SPRED1: variants seen among roughly 807,000 people sequenced by gnomAD.
SPRED1 encodes sprouty-related, EVH1 domain-containing protein 1.
SPRED1 carries 18 observed loss-of-function variants against 52.3 expected under a neutral mutation model. The observed-to-expected ratio is 0.34, with a 90% confidence interval of 0.24 to 0.51. The LOEUF (loss-of-function observed/expected upper bound fraction) is 0.51, where lower values mean the gene tolerates loss of function less well. Among genes scored for constraint, SPRED1 ranks in the 20% least tolerant of loss-of-function variants. SPRED1 has a pLI of 0.97. For missense variants in SPRED1, 485 were observed against 551.0 expected (o/e 0.88, Z 1.20); for synonymous variants, 155 against 179.7 (o/e 0.86, Z 1.10).
chr15:38,253,686 C>T (rs1211409882), intron 1 of SPRED1, among the ~76,000 whole-genome samples: 1 of 151,566 alleles, frequency 6.6e-6, no homozygotes, highest in Non-Finnish European at 1.5e-5. Context: ...TCTTAAATAC[C>T]GATTAAGCCT....
intron 2 of SPRED1, among the ~76,000 whole-genome samples, chr15:38,318,382 A>G (rs536458948): frequency 6.6e-6 from 1 of 152,312 alleles, no homozygotes; most frequent in East Asian, 1.9e-4. Context: ...TATGTGAGTC[A>G]AAGAGCTAGT....
chr15:38,352,044 TA>T lies in SPRED1; in HGVS notation c.*381del, dbSNP rs1349053245. Reference sequence around the variant, plus strand: ...ACACGAACTAAAAATAAAAGTGCACTAGGGGACAGTTGATTTCAATCTAAGA... The same window carrying T: ...ACACGAACTAAAAATAAAAGTGCACTGGGGACAGTTGATTTCAATCTAAGA... On this transcript the variant is annotated 3_prime_UTR_variant, in exon 7 of 7. Coordinates refer to ENST00000299084, the MANE Select transcript of SPRED1 (RefSeq NM_152594.3). The T allele has an allele frequency of 4.6e-6, 1 of 215,798 alleles. No individual in the cohort carries two copies. Among genetic ancestry groups the T allele is most frequent in the Non-Finnish European group, 9.3e-6 (1 of 107,318 alleles). The allele number at this position is 215,798 out of a possible 1,614,324, so 13.4% of individuals were successfully genotyped here.
At chr15:38,260,045 G>A (rs8034515) in intron 1 of SPRED1, among the ~76,000 whole-genome samples, 125,430 of 152,204 alleles carry the variant, frequency 0.82, 52,479 homozygotes, top group Non-Finnish European at 0.9. Context: ...ATTAAAGGAA[G>A]TGTTAACAAG....
At chr15:38,258,570 C>T (rs62003492) in intron 1 of SPRED1, among the ~76,000 whole-genome samples, 1 of 152,064 alleles carries the variant, frequency 6.6e-6, no homozygotes, top group Non-Finnish European at 1.5e-5. Context: ...TTTATTCTTT[C>T]TGTTAAATTG....
At chr15:38,277,908 CTT>C (rs34918769) in intron 1 of SPRED1, among the ~76,000 whole-genome samples, 24 of 150,038 alleles carry the variant, frequency 1.6e-4, no homozygotes, top group Admixed American at 2.6e-4. Context: ...TCATGTATGT[CTT>C]TTTTTTTTTA....
intron 6 of SPRED1, 26 bp downstream of exon 6, chr15:38,349,549 A>G: frequency 6.9e-7 from 1 of 1,458,440 alleles, no homozygotes; most frequent in Non-Finnish European, 9.5e-7. Flanking sequence ...TTATCTTGTG[A>G]TATGGAATTT....
At chr15:38,263,819 A>C (rs1010557762) in intron 1 of SPRED1, among the ~76,000 whole-genome samples, 2 of 152,186 alleles carry the variant, frequency 1.3e-5, no homozygotes, top group Non-Finnish European at 2.9e-5. Context: ...GCTAAAAAAA[A>C]CGAATCACAA....
chr15:38,347,485 T>TTTCC lies in SPRED1; in HGVS notation c.583-1937_583-1936insTTCC, dbSNP rs869310453. On this transcript the variant is annotated intron_variant, in intron 5 of 6. Transcript: ENST00000299084. ...TCTTTTTTTTTTTTTTTTTTTTTTT[T>TTTCC]CAATTTGGCTGTTTGCCCTTTTAAA... Among the ~76,000 whole-genome samples the TTTCC allele has an allele frequency of 1.6e-3, 153 of 94,054 alleles. 1 individual carries two copies. Among genetic ancestry groups the TTTCC allele is most frequent in the African/African-American group, 5.6e-3 (148 of 26,484 alleles). The allele number at this position is 94,054 out of a possible 152,430, so 61.7% of individuals were successfully genotyped here.
intron 4 of SPRED1, among the ~76,000 whole-genome samples, chr15:38,334,039 ACTGT>A (rs1895859367): frequency 6.6e-6 from 1 of 152,066 alleles, no homozygotes; most frequent in Admixed American, 6.6e-5. Context: ...AGTAGTTGAG[ACTGT>A]CTGATACACA....
intron 5 of SPRED1, among the ~76,000 whole-genome samples, chr15:38,340,914 T>C (rs1389809865): frequency 6.6e-6 from 1 of 151,998 alleles, no homozygotes; most frequent in African/African-American, 2.4e-5. Flanking sequence ...CTTTTTTGCA[T>C]ATGTGGAAGA....
chr15:38,294,753 C>T (rs1894998561), intron 1 of SPRED1, among the ~76,000 whole-genome samples: 1 of 152,082 alleles, frequency 6.6e-6, no homozygotes, highest in Non-Finnish European at 1.5e-5. Context: ...GAGCAAGAGC[C>T]AGAGCTGTAC....
At chr15:38,304,638 T>C (rs535432315) in intron 2 of SPRED1, among the ~76,000 whole-genome samples, 35 of 152,346 alleles carry the variant, frequency 2.3e-4, no homozygotes, top group African/African-American at 7.9e-4. Flanking sequence ...TTTCTACATC[T>C]GAGCCTCATC....
intron 4 of SPRED1, among the ~76,000 whole-genome samples, chr15:38,336,380 A>ATGTGTGTGTGTG (rs35912838): frequency 0.027 from 3,612 of 134,238 alleles, 69 homozygotes; most frequent in Admixed American, 0.043. Flanking sequence ...GATAAAGAAA[A>ATGTGTGTGTGTG]TGTGTGTGTG....
At chr15:38,332,344 T>C (rs1522776) in intron 4 of SPRED1, among the ~76,000 whole-genome samples, 145,878 of 152,216 alleles carry the variant, frequency 0.96, 70,184 homozygotes, top group East Asian at 1. Context: ...GAGGATGAGA[T>C]GGAAAGACTG....
intron 1 of SPRED1, among the ~76,000 whole-genome samples, chr15:38,292,169 T>C (rs1328171602): frequency 6.6e-6 from 1 of 152,150 alleles, no homozygotes; most frequent in East Asian, 1.9e-4. Flanking sequence ...CCAGTTTCTT[T>C]GCTAAAACAT....
chr15:38,284,028 C>G (rs1894751229), intron 1 of SPRED1, among the ~76,000 whole-genome samples: 1 of 152,160 alleles, frequency 6.6e-6, no homozygotes, highest in African/African-American at 2.4e-5. Flanking sequence ...ATCTCTACTT[C>G]TGCTACTAAG....
Position 38,253,111 on chromosome 15 carries a change from G to A in SPRED1, c.-75G>A, listed in dbSNP as rs1420834887. The A allele has an allele frequency of 2.9e-6, 4 of 1,394,406 alleles. No individual in the cohort carries two copies. In the African/African-American group the frequency reaches 4.3e-5, roughly 15 times the overall value. The allele number at this position is 1,394,406 out of a possible 1,614,324, so 86.4% of individuals were successfully genotyped here. A position where few individuals can be genotyped will look rare whatever the true frequency, so the allele number is the denominator to read the frequency against. ...GCCCCCCCGGCCGCCGCTGCCTCCT[G>A]CCCCTCGGTGCTGCTGTTGCTCCCC... On this transcript the variant is annotated 5_prime_UTR_variant, in exon 1 of 7. Transcript: ENST00000299084.
At chr15:38,320,335 G>A (rs1029217092) in intron 2 of SPRED1, among the ~76,000 whole-genome samples, 4 of 152,142 alleles carry the variant, frequency 2.6e-5, no homozygotes, top group African/African-American at 7.2e-5. Flanking sequence ...AGTATTGGTT[G>A]AGTACCTAAT....
intron 1 of SPRED1, among the ~76,000 whole-genome samples, chr15:38,274,447 G>A (rs937265248): frequency 1.1e-4 from 17 of 152,158 alleles, no homozygotes; most frequent in African/African-American, 4.1e-4. Flanking sequence ...CAAAGCAGTT[G>A]TGAGATTTAT....
Sources: allele counts gnomAD v4.1 joint callset (sites outside exome capture counted in the v4.1 genomes callset), GRCh38; gene constraint gnomAD v4.1.1; transcripts MANE v1.5; gene names NCBI Gene and HGNC (gene_info 2026-07-23, HGNC 2026-07-21).